CADPS: variants seen among roughly 807,000 people sequenced by gnomAD.
CADPS encodes calcium-dependent secretion activator 1.
CADPS carries 57 observed loss-of-function variants against 167.3 expected under a neutral mutation model. The observed-to-expected ratio is 0.34, with a 90% CI of 0.28 to 0.42. The LOEUF (loss-of-function observed/expected upper bound fraction) is 0.42. Ranked by LOEUF, CADPS falls within the 20% of genes least tolerant of loss-of-function variation. CADPS has a pLI of 1.00. For missense variants in CADPS, 1,414 were observed against 1,738.1 expected, an observed-to-expected ratio of 0.81 and a Z score of 3.32; for synonymous variants, 676 against 635.3, an observed-to-expected ratio of 1.06 and a Z score of -0.96.
At chr3:62,504,103 A>G (rs1296276349) in intron 17 of CADPS, among the ~76,000 whole-genome samples, 1 of 152,206 alleles carries the variant, frequency 6.6e-6, no homozygotes, top group African/African-American at 2.4e-5. Context: ...AAAATCATCT[A>G]TTAAAAGCAT....
chr3:62,760,182 T>C (rs2085053443), intron 2 of CADPS, among the ~76,000 whole-genome samples: 1 of 152,148 alleles, frequency 6.6e-6, no homozygotes, highest in South Asian at 2.1e-4. Context: ...CATACCACCA[T>C]GCTCATTTCT....
chr3:62,545,364 C>A (rs2076292250), intron 11 of CADPS, among the ~76,000 whole-genome samples: 2 of 152,072 alleles, frequency 1.3e-5, no homozygotes, highest in Non-Finnish European at 2.9e-5. Context: ...GAACACTCAG[C>A]TACAGATTGA....
chr3:62,658,838 C>T (rs748365906), intron 4 of CADPS, among the ~76,000 whole-genome samples: 10 of 152,088 alleles, frequency 6.6e-5, no homozygotes, highest in Non-Finnish European at 1.3e-4. Flanking sequence ...CAAGTTGGGC[C>T]AGTGAGAGTT....
At chr3:62,503,195 T>C (rs1311131953) in intron 17 of CADPS, among the ~76,000 whole-genome samples, 8 of 152,156 alleles carry the variant, frequency 5.3e-5, no homozygotes, top group Admixed American at 5.2e-4. Context: ...CACCTATACA[T>C]TAATAGCTGC....
chr3:62,708,444 T>C (rs553784390), intron 3 of CADPS, among the ~76,000 whole-genome samples: 21 of 152,184 alleles, frequency 1.4e-4, no homozygotes, highest in Admixed American at 1.2e-3. Flanking sequence ...TTAATATTAT[T>C]ATTCTTATCC....
At chr3:62,688,460 A>G (rs1041609453) in intron 3 of CADPS, among the ~76,000 whole-genome samples, 23 of 152,108 alleles carry the variant, frequency 1.5e-4, no homozygotes, top group Non-Finnish European at 3.1e-4. Context: ...TGCTATTACT[A>G]CCCAGGTCAT....
intron 17 of CADPS, among the ~76,000 whole-genome samples, chr3:62,509,779 T>C (rs2067387598): frequency 1.3e-5 from 2 of 152,164 alleles, no homozygotes; most frequent in African/African-American, 4.8e-5. Context: ...ATGTAAAAAG[T>C]GGTAGGTATT....
intron 3 of CADPS, among the ~76,000 whole-genome samples, chr3:62,743,979 A>G (rs190046940): frequency 2.0e-5 from 3 of 152,288 alleles, no homozygotes; most frequent in East Asian, 1.9e-4. Flanking sequence ...AATCTTCTCT[A>G]TGGAAAAGAT....
At chr3:62,479,505 A>G (rs1268322382) in intron 22 of CADPS, among the ~76,000 whole-genome samples, 1 of 152,246 alleles carries the variant, frequency 6.6e-6, no homozygotes, top group East Asian at 1.9e-4. Context: ...TGCCAGCTGC[A>G]TTGAATTAAT....
Position 62,753,603 on chromosome 3 carries a change from A to G in CADPS, c.726T>C (p.Asp242=). 1 of 1,614,116 alleles carries G rather than the reference A, an allele frequency of 6.2e-7. No homozygotes were observed. Among genetic ancestry groups the G allele is most frequent in the Non-Finnish European group, 8.5e-7 (1 of 1,180,010 alleles). Residue 242 remains aspartate, a synonymous_variant, in exon 3 of 30, where the codon GAT becomes GAC. Coordinates refer to ENST00000383710, the MANE Select transcript of CADPS (RefSeq NM_003716.4). The surrounding 1 kb of genome is among the most constrained non-coding windows in gnomAD (Gnocchi z 4.6). ...TVLSSWMAKF[D]AIYRGEEDPR... ...GGTCCTCTTCTCCACGGTAGATGGC[A>G]TCAAATTTGGCCATCCAGGAGCTCA...
intron 28 of CADPS, among the ~76,000 whole-genome samples, chr3:62,432,624 T>C (rs1346858826): frequency 6.6e-6 from 1 of 152,160 alleles, no homozygotes. Flanking sequence ...GTGATGATGA[T>C]GATGGTGGTG....
chr3:62,671,731 T>C (rs2075543581), intron 3 of CADPS, among the ~76,000 whole-genome samples: 1 of 152,028 alleles, frequency 6.6e-6, no homozygotes, highest in African/African-American at 2.4e-5. Context: ...ATAAATATGA[T>C]ATTCCGGGTT....
chr3:62,527,122 A>T (rs191957735), intron 13 of CADPS, among the ~76,000 whole-genome samples: 5 of 152,170 alleles, frequency 3.3e-5, no homozygotes, highest in African/African-American at 9.7e-5. Context: ...TATGTGCACA[A>T]TGAAGTGTGA....
chr3:62,550,135 C>T lies in CADPS; in HGVS notation c.1754-20G>A, dbSNP rs374107101. 3 of 1,590,216 alleles carry T rather than the reference C, an allele frequency of 1.9e-6. No individual in the cohort carries two copies. The African/African-American group carries it at 4.0e-5, about 21-fold the overall frequency. ...CCAAACCTGGAAGAAAAGGGAGTAA[C>T]AACTTCTACTAAGCTGAGCTGTGAT... On this transcript the variant is annotated intron_variant, in intron 10 of 29. Transcript: ENST00000383710.
intron 24 of CADPS, among the ~76,000 whole-genome samples, chr3:62,467,832 T>C (rs185524978): frequency 6.6e-6 from 1 of 152,108 alleles, no homozygotes; most frequent in African/African-American, 2.4e-5. Flanking sequence ...TTCAGACTCA[T>C]AAGTCTCTGT....
Position 62,455,457 on chromosome 3 carries a change from T to C in CADPS, c.3637-9660A>G, listed in dbSNP as rs1373754711. On this transcript the variant is annotated intron_variant, in intron 26 of 29. Coordinates refer to ENST00000383710, the MANE Select transcript of CADPS (RefSeq NM_003716.4). The surrounding 1 kb of genome is among the most constrained non-coding windows in gnomAD (Gnocchi z 4.4). ...TTGAAAAGATCCACAACTAGTGACA[T>C]TATGGAGCTGGTATTTGAAGCATGG... 6.6e-6 allele frequency among the ~76,000 whole-genome samples: 1 copy of C among 152,090 alleles called. No individual in the cohort carries two copies. The highest frequency in any genetic ancestry group is 2.4e-5 in the African/African-American group (1 of 41,430).
In CADPS at chr3:62,703,292, G is replaced by A. The variant is rs571160721; in HGVS notation, c.889-40898C>T. ...CGACCCAATGAATGAATAAATTCTG[G>A]GAACTCCAGATGCTTTTCTACCAGA... On this transcript the variant is annotated intron_variant, in intron 3 of 29. Coordinates refer to ENST00000383710, the MANE Select transcript of CADPS (RefSeq NM_003716.4). Among the ~76,000 whole-genome samples, 388 of 152,196 alleles carry A rather than the reference G, an allele frequency of 2.5e-3. 1 individual carries two copies. The highest frequency in any genetic ancestry group is 4.3e-3 in the Non-Finnish European group (295 of 68,026).
intron 6 of CADPS, among the ~76,000 whole-genome samples, chr3:62,596,054 AT>A (rs1166200371): frequency 4.0e-5 from 6 of 150,614 alleles, no homozygotes; most frequent in African/African-American, 1.5e-4. Flanking sequence ...GTGTAAGTTA[AT>A]ACTTAATTAA....
At chr3:62,641,544 C>T (rs1020844936) in intron 6 of CADPS, among the ~76,000 whole-genome samples, 7 of 152,144 alleles carry the variant, frequency 4.6e-5, no homozygotes, top group Non-Finnish European at 7.3e-5. Context: ...TTTCCTTCTC[C>T]ATCTCCCTGC....
Sources: allele counts gnomAD v4.1 joint callset (sites outside exome capture counted in the v4.1 genomes callset), GRCh38; gene constraint gnomAD v4.1.1; non-coding constraint Gnocchi (gnomAD v3.1); transcripts MANE v1.5; gene names NCBI Gene and HGNC (gene_info 2026-07-23, HGNC 2026-07-21).